Variants in PCLO observed in about 807,000 individuals in gnomAD.
PCLO encodes piccolo presynaptic cytomatrix protein.
In PCLO, 82 loss-of-function variants were observed where a neutral mutation model predicts 427.5. That is an observed-to-expected ratio of 0.19 (90% CI 0.16 to 0.23). The LOEUF (loss-of-function observed/expected upper bound fraction) is 0.23. Ranked by LOEUF, PCLO falls within the 10% of genes least tolerant of loss-of-function variation. The pLI, the probability that PCLO is intolerant of heterozygous loss-of-function variation, is 1.00. For missense variants in PCLO, 6,239 were observed against 6,115.9 expected (o/e 1.02, Z -0.67); for synonymous variants, 2,357 against 2,155.4 (o/e 1.09, Z -2.59).
intron 3 of PCLO, among the ~76,000 whole-genome samples, chr7:82,979,898 G>A (rs866153656): frequency 5.9e-5 from 9 of 152,088 alleles, no homozygotes; most frequent in Admixed American, 5.2e-4. Flanking sequence ...ACAACCAAAA[G>A]TGAATACTAG....
At chr7:82,775,376 T>C (rs529945737) in intron 22 of PCLO, among the ~76,000 whole-genome samples, 2 of 152,216 alleles carry the variant, frequency 1.3e-5, no homozygotes, top group Non-Finnish European at 2.9e-5. Flanking sequence ...GCATTCCTGT[T>C]GCTCCACATC....
intron 3 of PCLO, among the ~76,000 whole-genome samples, chr7:82,998,947 G>A (rs1787705016): frequency 6.6e-6 from 1 of 151,358 alleles, no homozygotes; most frequent in African/African-American, 2.4e-5. Flanking sequence ...TAACATGTAA[G>A]AACAGATGGA....
chr7:82,813,869 G>A (rs548602366), intron 20 of PCLO, among the ~76,000 whole-genome samples: 8 of 151,816 alleles, frequency 5.3e-5, no homozygotes, highest in South Asian at 4.1e-4. Context: ...CAAGTATTTC[G>A]TAAGAAGCTT....
At chr7:82,881,273 A>C (rs2116055811) in intron 9 of PCLO, among the ~76,000 whole-genome samples, 1 of 152,326 alleles carries the variant, frequency 6.6e-6, no homozygotes, top group South Asian at 2.1e-4. Flanking sequence ...AAGGACTTAC[A>C]AAAATTGGTT....
chr7:82,955,688 T>C lies in PCLO; in HGVS notation c.5265A>G (p.Gln1755=). The C allele has an allele frequency of 6.2e-7, 1 of 1,613,966 alleles. No homozygotes were observed. Among genetic ancestry groups the C allele is most frequent in the Non-Finnish European group, 8.5e-7 (1 of 1,179,872 alleles). ...CATGTGGTCTGTGCCGAGCTTTGCG[T>C]TGCTGTTTGCTCTCTCCTTTTTTGT... ...PSHKKGESKQ[Q]RKARHRPHGP... is the part of the protein sequence containing the mutation. Residue 1755 remains glutamine, a synonymous_variant, in exon 5 of 25, where the codon CAA becomes CAG. Transcript: ENST00000333891.
chr7:82,987,113 T>C (rs1796273315), intron 3 of PCLO, among the ~76,000 whole-genome samples: 1 of 152,040 alleles, frequency 6.6e-6, no homozygotes, highest in Non-Finnish European at 1.5e-5. Flanking sequence ...GTAATTTGTG[T>C]ACCTGTTTAA....
At chr7:83,028,046 C>G (rs957330957) in intron 3 of PCLO, among the ~76,000 whole-genome samples, 1 of 147,780 alleles carries the variant, frequency 6.8e-6, no homozygotes, top group African/African-American at 2.5e-5. Context: ...AAAACTGGCA[C>G]AAGACAGGGA....
chr7:83,050,094 T>C (rs1415305947), intron 3 of PCLO, among the ~76,000 whole-genome samples: 1 of 150,188 alleles, frequency 6.7e-6, no homozygotes, highest in Non-Finnish European at 1.5e-5. Flanking sequence ...TCATTAATAT[T>C]GTGTGATGGT....
intron 2 of PCLO, among the ~76,000 whole-genome samples, chr7:83,150,592 G>A (rs1256228174): frequency 6.6e-6 from 1 of 151,760 alleles, no homozygotes; most frequent in Admixed American, 6.6e-5. Context: ...TTGTGGCTGA[G>A]TGTAGCTAAT....
intron 3 of PCLO, among the ~76,000 whole-genome samples, chr7:82,976,706 G>T (rs1331700737): frequency 6.6e-6 from 1 of 151,784 alleles, no homozygotes; most frequent in Non-Finnish European, 1.5e-5. Flanking sequence ...CACTTCAAAG[G>T]TTTAGTTTCT....
intron 3 of PCLO, among the ~76,000 whole-genome samples, chr7:83,002,424 C>A (rs1787846121): frequency 6.6e-6 from 1 of 151,690 alleles, no homozygotes; most frequent in Non-Finnish European, 1.5e-5. Flanking sequence ...TATTGTTTGT[C>A]TTTCACATTT....
rs537552637 is a variant in PCLO at position 82,916,383 on chromosome 7, A to G, written c.11603T>C (p.Ile3868Thr). ...TAPQTEFSQFIPPQTQTESQL... is the reference protein window; with the variant it reads ...TAPQTEFSQFTPPQTQTESQL... Reference sequence around the variant, plus strand: ...AGATTCTGTTTGGGTTTGTGGTGGTATAAACTGGCTGAATTCAGTTTGGGG... The same window carrying G: ...AGATTCTGTTTGGGTTTGTGGTGGTGTAAACTGGCTGAATTCAGTTTGGGG... Residue 3868 changes from isoleucine (I) to threonine (T), a missense_variant, in exon 7 of 25, where the codon ATA (isoleucine) becomes ACA (threonine). By Grantham distance (89) the Ile-to-Thr change is moderately conservative. Around this residue, in one of 5 missense-constraint regions of PCLO, gnomAD observed 680 missense variants for 677.3 expected, o/e 1.00. Transcript: ENST00000333891. The G allele has an allele frequency of 8.1e-6, 13 of 1,613,728 alleles. No homozygotes were observed. In the East Asian group the frequency reaches 2.7e-4, roughly 33 times the overall value.
intron 3 of PCLO, among the ~76,000 whole-genome samples, chr7:83,116,628 T>C (rs961127591): frequency 3.3e-5 from 5 of 152,192 alleles, no homozygotes; most frequent in Admixed American, 6.5e-5. Context: ...ATGGTTATCA[T>C]TTTTTGTGGT....
chr7:83,040,771 C>T (rs1262943796), intron 3 of PCLO, among the ~76,000 whole-genome samples: 2 of 152,070 alleles, frequency 1.3e-5, no homozygotes, highest in African/African-American at 4.8e-5. Context: ...ATTTAGAGCT[C>T]TCCTTTCTAA....
At chr7:82,843,425 T>C (rs1404842357) in intron 13 of PCLO, among the ~76,000 whole-genome samples, 1 of 152,068 alleles carries the variant, frequency 6.6e-6, no homozygotes, top group East Asian at 1.9e-4. Flanking sequence ...GGAATGATGG[T>C]CAAAGGGTAC....
chr7:83,137,729 G>A lies in PCLO; in HGVS notation c.1894-2073C>T, dbSNP rs542991303. Reference sequence around the variant, plus strand: ...TACACAGGCATGAGCCACCACGCCCGGCCATGGATATTCATTATATTTATT... The same window carrying A: ...TACACAGGCATGAGCCACCACGCCCAGCCATGGATATTCATTATATTTATT... On this transcript the variant is annotated intron_variant, in intron 2 of 24. Transcript: ENST00000333891. Among the ~76,000 whole-genome samples, 23 of 152,176 alleles carry A rather than the reference G, an allele frequency of 1.5e-4. No individual in the cohort carries two copies. The South Asian group carries it at 4.1e-3, about 27-fold the overall frequency.
At chr7:83,078,620 C>T (rs1483001766) in intron 3 of PCLO, among the ~76,000 whole-genome samples, 1 of 151,858 alleles carries the variant, frequency 6.6e-6, no homozygotes, top group African/African-American at 2.4e-5. Context: ...CAACCTCCAC[C>T]TCCCGGGTTC....
In PCLO at chr7:82,895,776, TTAAA is replaced by T. The variant is rs541641592; in HGVS notation, c.13528+6871_13528+6874del. Among the ~76,000 whole-genome samples the T allele has an allele frequency of 2.2e-3, 337 of 151,992 alleles. 1 individual carries two copies. Among genetic ancestry groups the T allele is most frequent in the Middle Eastern group, 0.01 (3 of 294 alleles). On this transcript the variant is annotated intron_variant, in intron 9 of 24. Coordinates refer to ENST00000333891, the MANE Select transcript of PCLO (RefSeq NM_033026.6). ...ACTGATTGAAGAAGAAAGAGAACAT[TTAAA>T]TAGTCTTATAACAAATAAAGGCATT...
rs558199414 is a variant in PCLO at position 82,971,630 on chromosome 7, T to A, written c.3301-5143A>T. Among the ~76,000 whole-genome samples the A allele has an allele frequency of 1.4e-4, 20 of 147,800 alleles. No homozygotes were observed. In the South Asian group the frequency reaches 4.2e-3, roughly 31 times the overall value. Reference sequence around the variant, plus strand: ...ATATATGATATCGTATAGATATATATGATAAAATTTCATTTTAAGGTGCTG... The same window carrying A: ...ATATATGATATCGTATAGATATATAAGATAAAATTTCATTTTAAGGTGCTG... On this transcript the variant is annotated intron_variant, in intron 3 of 24. Transcript: ENST00000333891.
Sources: gnomAD v4.1 joint callset for allele counts (sites outside exome capture counted in the v4.1 genomes callset) on GRCh38, gnomAD v4.1.1 for gene constraint, gnomAD v4.1.1 regional missense constraint, MANE v1.5 for transcripts, NCBI Gene and HGNC (gene_info 2026-07-23, HGNC 2026-07-21) for gene names.